PTPN11: variants seen among roughly 807,000 people sequenced by gnomAD.
PTPN11 encodes the protein protein tyrosine phosphatase non-receptor type 11.
PTPN11 carries 6 observed loss-of-function variants against 78.8 expected under a neutral mutation model. The observed-to-expected ratio is 0.08, with a 90% CI of 0.04 to 0.15. The LOEUF (loss-of-function observed/expected upper bound fraction) is 0.15. Ranked by LOEUF, PTPN11 falls within the 10% of genes least tolerant of loss-of-function variation. The pLI, the probability that PTPN11 is intolerant of heterozygous loss-of-function variation, is 1.00. For synonymous variants in PTPN11, 221 were observed against 263.5 expected, an observed-to-expected ratio of 0.84 and a Z score of 1.56; for missense variants, 386 against 744.8, an observed-to-expected ratio of 0.52 and a Z score of 5.61.
At chr12:112,489,495 A>G (rs2038720102) in intron 13 of PTPN11, among the ~76,000 whole-genome samples, 1 of 152,198 alleles carries the variant, frequency 6.6e-6, no homozygotes, top group African/African-American at 2.4e-5. Context: ...TGAAGTTTCT[A>G]GCCTGTTCCA....
chr12:112,429,256 G>A (rs1304287112), intron 1 of PTPN11, among the ~76,000 whole-genome samples: 2 of 152,074 alleles, frequency 1.3e-5, no homozygotes, highest in Non-Finnish European at 2.9e-5. Flanking sequence ...AGTCCTTACT[G>A]TCTCCAGCCT....
intron 1 of PTPN11, among the ~76,000 whole-genome samples, chr12:112,444,542 G>A (rs2037960997): frequency 6.6e-6 from 1 of 152,000 alleles, no homozygotes; most frequent in Non-Finnish European, 1.5e-5. Flanking sequence ...GTTTCTCCAT[G>A]TTGGTCAGGC....
intron 1 of PTPN11, among the ~76,000 whole-genome samples, chr12:112,420,904 A>C (rs1294681029): frequency 6.6e-6 from 1 of 152,196 alleles, no homozygotes; most frequent in Non-Finnish European, 1.5e-5. Context: ...TTAATCTGTC[A>C]AATAGTCATT....
At chr12:112,450,568 A>G (rs2135863349) in intron 3 of PTPN11, 56 bp downstream of exon 3, 1 of 1,517,190 alleles carries the variant, frequency 6.6e-7, no homozygotes. Context: ...CCTGAGTGTC[A>G]GAAATGCATG....
intron 6 of PTPN11, among the ~76,000 whole-genome samples, chr12:112,470,401 A>T (rs1162311485): frequency 2.0e-5 from 3 of 152,206 alleles, no homozygotes; most frequent in Non-Finnish European, 4.4e-5. Flanking sequence ...CTTTGGGGGT[A>T]GAAAGGATTG....
At chr12:112,435,481 G>T (rs1360142429) in intron 1 of PTPN11, among the ~76,000 whole-genome samples, 1 of 152,172 alleles carries the variant, frequency 6.6e-6, no homozygotes, top group African/African-American at 2.4e-5. Flanking sequence ...CAGGTAGATT[G>T]TGGGGGTCTA....
intron 10 of PTPN11, 89 bp from the exon 11 acceptor site, chr12:112,486,386 C>T: frequency 7.5e-7 from 1 of 1,330,696 alleles, no homozygotes; most frequent in Non-Finnish European, 1.1e-6. Context: ...TCTTCCTCTC[C>T]ATTGGATTTA....
intron 10 of PTPN11, among the ~76,000 whole-genome samples, chr12:112,483,653 C>T (rs1451426891): frequency 1.3e-5 from 2 of 152,074 alleles, no homozygotes; most frequent in African/African-American, 4.8e-5. Context: ...AGGAGTTGTT[C>T]TAGGGATTAG....
At chr12:112,442,810 TC>T (rs2037915282) in intron 1 of PTPN11, among the ~76,000 whole-genome samples, 1 of 120,682 alleles carries the variant, frequency 8.3e-6, no homozygotes, top group Admixed American at 9.1e-5. Flanking sequence ...TTACTCTCTC[TC>T]CTCTCTCTCT....
At chr12:112,498,187 G>A (rs1039862036) in intron 13 of PTPN11, among the ~76,000 whole-genome samples, 3 of 152,164 alleles carry the variant, frequency 2.0e-5, no homozygotes, top group Middle Eastern at 3.4e-3. Flanking sequence ...TTTTGAAAGG[G>A]AACCCTGGCT....
intron 2 of PTPN11, 146 bp downstream of exon 2, chr12:112,446,544 T>C (rs2037997095): frequency 8.9e-7 from 1 of 1,127,258 alleles, no homozygotes; most frequent in Non-Finnish European, 1.3e-6. Context: ...GGGAGTGGCC[T>C]CCTGGACATT....
In PTPN11 at chr12:112,504,938, C is replaced by A. The variant is rs2038915621; in HGVS notation, c.*32+142C>A. The A allele has an allele frequency of 1.6e-6, 1 of 622,928 alleles. No homozygotes were observed. Among genetic ancestry groups the A allele is most frequent in the Admixed American group, 2.9e-5 (1 of 33,968 alleles). The allele number at this position is 622,928 out of a possible 1,614,324, so 38.6% of individuals were successfully genotyped here. A position where few individuals can be genotyped will look rare whatever the true frequency, so the allele number is the denominator to read the frequency against. ...CAGGCTCCTTTTTCCTCTCCCTGTA[C>A]TTCTTTTTCCAAGATGGTTTTAGTT... On this transcript the variant is annotated intron_variant, in intron 15 of 15. Transcript: ENST00000351677. The surrounding 1 kb of genome is among the most constrained non-coding windows in gnomAD (Gnocchi z 4.7).
At chr12:112,448,880 T>C (rs1257469458) in intron 2 of PTPN11, among the ~76,000 whole-genome samples, 1 of 152,032 alleles carries the variant, frequency 6.6e-6, no homozygotes, top group Non-Finnish European at 1.5e-5. Context: ...CATGTGTCTT[T>C]TTATTTTTAT....
chr12:112,437,787 G>A (rs374617998), intron 1 of PTPN11, among the ~76,000 whole-genome samples: 7 of 152,196 alleles, frequency 4.6e-5, no homozygotes, highest in East Asian at 3.9e-4. Flanking sequence ...TTTTCTGTGC[G>A]GTAGTTCCTT....
chr12:112,494,796 CTT>C (rs2038793685), intron 13 of PTPN11, among the ~76,000 whole-genome samples: 1 of 152,204 alleles, frequency 6.6e-6, no homozygotes, highest in Non-Finnish European at 1.5e-5. Flanking sequence ...CGGTCCCTGA[CTT>C]ATGATGGTTC....
Position 112,419,121 on chromosome 12 carries a change from C to G in PTPN11, c.10C>G (p.Arg4Gly), listed in dbSNP as rs886041517. The change falls in exon 1 of 16, where the codon CGG becomes GGG. Residue 4 changes from arginine to glycine, a missense_variant. This residue lies in a region of PTPN11 where 279 missense variants were observed against 503.3 expected (regional missense o/e 0.55). Coordinates refer to ENST00000351677, the MANE Select transcript of PTPN11 (RefSeq NM_002834.5). ...GGAGGGCGGGAGGAACATGACATCG[C>G]GGAGGTGAGGAGCCCCGAGGGGCCC... MTS[R>G]RWFHPNITGV... The G allele has an allele frequency of 1.3e-6, 2 of 1,526,086 alleles. No homozygotes were observed. Among genetic ancestry groups the G allele is most frequent in the Non-Finnish European group, 1.8e-6 (2 of 1,139,370 alleles). 94.5% of individuals were successfully genotyped at this position (1,526,086 alleles called of 1,614,324 possible). A position where few individuals can be genotyped will look rare whatever the true frequency, so the allele number is the denominator to read the frequency against.
At chr12:112,498,620 A>G (rs185988161) in intron 13 of PTPN11, among the ~76,000 whole-genome samples, 1 of 152,350 alleles carries the variant, frequency 6.6e-6, no homozygotes, top group Admixed American at 6.5e-5. Flanking sequence ...TGGCAAGGCC[A>G]TAAAATTTGT....
At chr12:112,453,498 T>G in intron 4 of PTPN11, 111 bp downstream of exon 4, 1 of 796,222 alleles carries the variant, frequency 1.3e-6, no homozygotes. Context: ...TTTTATTTAT[T>G]TATTTATTTA....
At chr12:112,451,605 T>G (rs961971243) in intron 3 of PTPN11, among the ~76,000 whole-genome samples, 6 of 152,224 alleles carry the variant, frequency 3.9e-5, no homozygotes, top group Non-Finnish European at 8.8e-5. Context: ...GTATTGATAT[T>G]GCTGGTTGTG....
Sources: gnomAD v4.1 joint callset for allele counts (sites outside exome capture counted in the v4.1 genomes callset) on GRCh38, gnomAD v4.1.1 for gene constraint, gnomAD v4.1.1 regional missense constraint, Gnocchi (gnomAD v3.1) non-coding constraint, MANE v1.5 for transcripts, NCBI Gene and HGNC (gene_info 2026-07-23, HGNC 2026-07-21) for gene names.